The following LGR6 variants were observed in gnomAD, a reference collection of about 807,000 sequenced individuals.
The protein encoded by LGR6 is leucine-rich repeat-containing G protein-coupled receptor 6.
LGR6 carries 45 observed loss-of-function variants against 69.4 expected under a neutral mutation model. The observed-to-expected ratio is 0.65, with a 90% CI of 0.51 to 0.83. The LOEUF (loss-of-function observed/expected upper bound fraction) is 0.83. LGR6 is among the 40% of genes least tolerant of loss of function. The pLI is 0.00. For missense variants in LGR6, 1,108 were observed against 1,246.7 expected, an observed-to-expected ratio of 0.89 and a Z score of 1.68; for synonymous variants, 538 against 555.0, an observed-to-expected ratio of 0.97 and a Z score of 0.43.
In LGR6 at chr1:202,226,228, A is replaced by T. The variant is rs142951266; in HGVS notation, c.284+734A>T. Among the ~76,000 whole-genome samples the T allele has an allele frequency of 1.2e-4, 18 of 152,240 alleles. No homozygotes were observed. The East Asian group carries it at 3.3e-3, about 28-fold the overall frequency. On this transcript the variant is annotated intron_variant, in intron 2 of 17. Transcript: ENST00000367278. ...CTGGGGAGCCAGGTCATTCTGTCCC[A>T]ATCCTTGCTTTCATCCTAGCTCTGT... is the stretch of plus-strand genomic sequence containing the variant.
chr1:202,297,875 G>A (rs1667279719), intron 7 of LGR6, among the ~76,000 whole-genome samples: 1 of 152,224 alleles, frequency 6.6e-6, no homozygotes, highest in Admixed American at 6.5e-5. Context: ...CCTGGGCCTG[G>A]CACTGCCCTT....
chr1:202,309,290 C>A, intron 15 of LGR6, 114 bp downstream of exon 15: 1 of 1,319,942 alleles, frequency 7.6e-7, no homozygotes, highest in Non-Finnish European at 1.0e-6. Context: ...AGGGTTTGAC[C>A]AAGATTTAGT....
At chr1:202,209,906 C>G (rs1318661733) in intron 1 of LGR6, among the ~76,000 whole-genome samples, 5 of 152,230 alleles carry the variant, frequency 3.3e-5, no homozygotes, top group African/African-American at 1.2e-4. Flanking sequence ...ACTCCATCTC[C>G]TACAGAAATG....
intron 1 of LGR6, among the ~76,000 whole-genome samples, chr1:202,195,583 A>G (rs1658610695): frequency 6.6e-6 from 1 of 152,230 alleles, no homozygotes; most frequent in Non-Finnish European, 1.5e-5. Context: ...AACTGCACAG[A>G]GCCTGGGCGC....
chr1:202,232,717 G>A (rs1054653078), intron 3 of LGR6, among the ~76,000 whole-genome samples: 8 of 152,186 alleles, frequency 5.3e-5, no homozygotes, highest in Non-Finnish European at 1.0e-4. Context: ...GCTAAGAACC[G>A]CTGGATTAGA....
chr1:202,206,594 G>A (rs186137537), intron 1 of LGR6, among the ~76,000 whole-genome samples: 11 of 152,084 alleles, frequency 7.2e-5, no homozygotes, highest in South Asian at 2.1e-4. Context: ...CTGTCACCCC[G>A]GCTGGAGTGC....
intron 6 of LGR6, among the ~76,000 whole-genome samples, chr1:202,295,284 C>T (rs540611830): frequency 2.7e-5 from 4 of 147,324 alleles, no homozygotes; most frequent in East Asian, 2.0e-4. Context: ...GCCGAGATCA[C>T]GCCACTGCAC....
chr1:202,215,683 A>G (rs754325224), intron 1 of LGR6, among the ~76,000 whole-genome samples: 1 of 152,142 alleles, frequency 6.6e-6, no homozygotes, highest in African/African-American at 2.4e-5. Context: ...TCCCTCTTCA[A>G]TCCCTTGTCC....
chr1:202,301,152 T>A lies in LGR6; in HGVS notation c.858-12T>A. The A allele has an allele frequency of 6.2e-7, 1 of 1,613,836 alleles. No individual in the cohort carries two copies. The highest frequency in any genetic ancestry group is 8.5e-7 in the Non-Finnish European group (1 of 1,179,672). Reference sequence around the variant, plus strand: ...AAAAACCCAATTAGGTGTTTGGACCTTCTTCTTCCAGACACTTTTATGATA... The same window carrying A: ...AAAAACCCAATTAGGTGTTTGGACCATCTTCTTCCAGACACTTTTATGATA... On this transcript the variant is annotated splice_polypyrimidine_tract_variant and intron_variant, in intron 8 of 17. Coordinates refer to ENST00000367278, the MANE Select transcript of LGR6 (RefSeq NM_001017403.2).
chr1:202,211,643 G>A (rs977255997), intron 1 of LGR6, among the ~76,000 whole-genome samples: 1 of 152,218 alleles, frequency 6.6e-6, no homozygotes, highest in Non-Finnish European at 1.5e-5. Context: ...TTACAGGCGT[G>A]AGCCACTGCG....
At chr1:202,288,425 C>T (rs1486241179) in intron 6 of LGR6, among the ~76,000 whole-genome samples, 1 of 152,200 alleles carries the variant, frequency 6.6e-6, no homozygotes, top group Non-Finnish European at 1.5e-5. Flanking sequence ...GACCCAGTGC[C>T]AGGCACAGGG....
chr1:202,298,219 C>A (rs371934175), intron 7 of LGR6, among the ~76,000 whole-genome samples: 1 of 152,154 alleles, frequency 6.6e-6, no homozygotes, highest in Non-Finnish European at 1.5e-5. Context: ...GCTAAAACAG[C>A]GGTGGGAGTC....
intron 1 of LGR6, 109 bp downstream of exon 1, chr1:202,194,310 C>T (rs1658550527): frequency 1.4e-6 from 1 of 726,206 alleles, no homozygotes; most frequent in East Asian, 3.1e-5. Context: ...CATGGGCATC[C>T]CGGAGAGGGT....
chr1:202,248,109 G>A (rs1421610059), intron 4 of LGR6, among the ~76,000 whole-genome samples: 14 of 152,232 alleles, frequency 9.2e-5, no homozygotes, highest in African/African-American at 2.9e-4. Flanking sequence ...CGGAAAAGGC[G>A]GCAAGCACAC....
chr1:202,202,658 T>C (rs1658877521), intron 1 of LGR6, among the ~76,000 whole-genome samples: 1 of 152,222 alleles, frequency 6.6e-6, no homozygotes, highest in South Asian at 2.1e-4. Flanking sequence ...CTATGGGAGC[T>C]ATGGTTATTA....
intron 5 of LGR6, among the ~76,000 whole-genome samples, chr1:202,279,103 G>C (rs769645329): frequency 1.3e-5 from 2 of 152,284 alleles, no homozygotes; most frequent in East Asian, 1.9e-4. Flanking sequence ...GAGGCAGAAG[G>C]GGGTGGAAAA....
rs188153446 is a variant in LGR6 at position 202,216,545 on chromosome 1, A to G, written c.213-8878A>G. 3.6e-3 allele frequency among the ~76,000 whole-genome samples: 556 copies of G among 152,358 alleles called. 5 individuals carry two copies. In the Middle Eastern group the frequency reaches 0.061, roughly 17 times the overall value. On this transcript the variant is annotated intron_variant, in intron 1 of 17. Coordinates refer to ENST00000367278, the MANE Select transcript of LGR6 (RefSeq NM_001017403.2). ...AGCTAAGGAACTGCATTTTAAATTT[A>G]ATTTTAATGAACTTAAATATAGTCA...
At chr1:202,302,897 C>T (rs1667711838) in intron 9 of LGR6, among the ~76,000 whole-genome samples, 1 of 152,134 alleles carries the variant, frequency 6.6e-6, no homozygotes, top group East Asian at 1.9e-4. Context: ...TTAGGGGTGA[C>T]CCTATCTCAG....
intron 6 of LGR6, among the ~76,000 whole-genome samples, chr1:202,292,492 A>G (rs1048311914): frequency 6.6e-6 from 1 of 152,214 alleles, no homozygotes; most frequent in Non-Finnish European, 1.5e-5. Context: ...TGACTCAGGG[A>G]TCTGGCTTCT....
Sources: gnomAD v4.1 joint callset for allele counts (sites outside exome capture counted in the v4.1 genomes callset) on GRCh38, gnomAD v4.1.1 for gene constraint, MANE v1.5 for transcripts, NCBI Gene and HGNC (gene_info 2026-07-23, HGNC 2026-07-21) for gene names.